The following CSMD1 variants were observed in gnomAD, a reference collection of about 807,000 sequenced individuals.
The protein encoded by CSMD1 is CUB and Sushi multiple domains 1.
CSMD1 carries 213 observed loss-of-function variants against 417.5 expected under a neutral mutation model. The observed-to-expected ratio is 0.51, with a 90% CI of 0.46 to 0.57. The LOEUF (loss-of-function observed/expected upper bound fraction) is 0.57. Among genes scored for constraint, CSMD1 ranks in the 20% least tolerant of loss-of-function variants. CSMD1 has a pLI of 0.00. For synonymous variants in CSMD1, 2,862 were observed against 1,736.8 expected (o/e 1.65, Z -16.11); for missense variants, 6,923 against 4,529.7 (o/e 1.53, Z -15.17).
chr8:3,852,790 T>C (rs74724112), intron 5 of CSMD1, among the ~76,000 whole-genome samples: 16,379 of 151,908 alleles, frequency 0.11, 1,303 homozygotes, highest in East Asian at 0.43. Flanking sequence ...GCCTCTTCTG[T>C]CTCCTCCAAG....
At chr8:3,590,767 G>A (rs1800811408) in intron 8 of CSMD1, among the ~76,000 whole-genome samples, 1 of 152,148 alleles carries the variant, frequency 6.6e-6, no homozygotes, top group Admixed American at 6.5e-5. Context: ...CCGAGGAGGA[G>A]ACTCCACGTG....
At chr8:4,900,305 A>G (rs1408659136) in intron 1 of CSMD1, among the ~76,000 whole-genome samples, 5 of 152,012 alleles carry the variant, frequency 3.3e-5, no homozygotes, top group South Asian at 2.1e-4. Flanking sequence ...TCCACCTCCT[A>G]TGTCCTTAGG....
chr8:4,226,067 GACACACACACACACAC>G (rs67767005), intron 3 of CSMD1, among the ~76,000 whole-genome samples: 6 of 143,508 alleles, frequency 4.2e-5, no homozygotes, highest in Non-Finnish European at 6.1e-5. Context: ...CTGACAGGCG[GACACACACACACACAC>G]ACACACACAC....
intron 1 of CSMD1, among the ~76,000 whole-genome samples, chr8:4,828,571 G>C (rs1287982769): frequency 6.6e-6 from 1 of 152,076 alleles, no homozygotes; most frequent in Non-Finnish European, 1.5e-5. Context: ...ACAAACTCCA[G>C]ACTGTTGTGC....
At chr8:3,095,654 AT>A (rs909428582) in intron 47 of CSMD1, among the ~76,000 whole-genome samples, 1 of 152,150 alleles carries the variant, frequency 6.6e-6, no homozygotes, top group African/African-American at 2.4e-5. Flanking sequence ...AGAATAATTT[AT>A]TTTTTTCACT....
At chr8:3,713,860 G>A (rs970321151) in intron 6 of CSMD1, among the ~76,000 whole-genome samples, 2 of 152,114 alleles carry the variant, frequency 1.3e-5, no homozygotes, top group African/African-American at 4.8e-5. Flanking sequence ...TATAAATCTT[G>A]TGTCTTCAAC....
chr8:4,236,962 G>A (rs887449737), intron 3 of CSMD1, among the ~76,000 whole-genome samples: 1 of 152,188 alleles, frequency 6.6e-6, no homozygotes, highest in African/African-American at 2.4e-5. Context: ...TCAGGAAGCA[G>A]TTACACTGAG....
intron 17 of CSMD1, 68 bp from the exon 18 acceptor site, chr8:3,387,750 G>C: frequency 8.0e-7 from 1 of 1,247,524 alleles, no homozygotes; most frequent in Non-Finnish European, 1.1e-6. Flanking sequence ...AGAGACCCAC[G>C]CCATCAACTA....
chr8:3,106,850 G>A (rs1053675973), intron 45 of CSMD1: 3 of 400,706 alleles, frequency 7.5e-6, no homozygotes, highest in African/African-American at 6.1e-5. Flanking sequence ...GCCGATATTA[G>A]TACTGAAATG....
intron 25 of CSMD1, among the ~76,000 whole-genome samples, chr8:3,300,842 C>T (rs761009123): frequency 6.6e-6 from 1 of 151,038 alleles, no homozygotes; most frequent in Non-Finnish European, 1.5e-5. Context: ...GCATGTAATC[C>T]CAGCTACTCA....
intron 3 of CSMD1, among the ~76,000 whole-genome samples, chr8:4,384,022 G>A (rs758389445): frequency 2.3e-4 from 34 of 149,692 alleles, no homozygotes; most frequent in Non-Finnish European, 3.4e-4. Context: ...ACCACCCCCC[G>A]CCTCATAACA....
chr8:4,064,599 G>T (rs1184793251), intron 3 of CSMD1, among the ~76,000 whole-genome samples: 1 of 152,150 alleles, frequency 6.6e-6, no homozygotes, highest in Non-Finnish European at 1.5e-5. Context: ...TGCCGTTTCC[G>T]AACGTGGCAA....
chr8:4,232,852 T>C (rs746536489), intron 3 of CSMD1, among the ~76,000 whole-genome samples: 5 of 152,160 alleles, frequency 3.3e-5, no homozygotes, highest in Non-Finnish European at 7.3e-5. Flanking sequence ...TATTTATATA[T>C]TTATTTTAGG....
chr8:4,380,734 T>G (rs922184098), intron 3 of CSMD1, among the ~76,000 whole-genome samples: 1 of 152,210 alleles, frequency 6.6e-6, no homozygotes, highest in Admixed American at 6.5e-5. Flanking sequence ...TGGGAGCACT[T>G]CATACTGTCC....
chr8:4,530,889 C>A (rs1324079271), intron 2 of CSMD1, among the ~76,000 whole-genome samples: 1 of 151,840 alleles, frequency 6.6e-6, no homozygotes, highest in Non-Finnish European at 1.5e-5. Flanking sequence ...CTCATTCATC[C>A]CATTATACCG....
At chr8:4,041,184 T>C (rs1427536961) in intron 3 of CSMD1, among the ~76,000 whole-genome samples, 1 of 151,654 alleles carries the variant, frequency 6.6e-6, no homozygotes, top group East Asian at 1.9e-4. Context: ...GCCCGGCTAA[T>C]TTTTTTGTAT....
intron 23 of CSMD1, among the ~76,000 whole-genome samples, chr8:3,332,988 G>C (rs1807005875): frequency 6.6e-6 from 1 of 152,218 alleles, no homozygotes; most frequent in African/African-American, 2.4e-5. Context: ...GCCCTTGAAA[G>C]AGGGTCTGGC....
chr8:3,357,801 C>T (rs1030837045), intron 21 of CSMD1, among the ~76,000 whole-genome samples: 1 of 152,112 alleles, frequency 6.6e-6, no homozygotes, highest in South Asian at 2.1e-4. Flanking sequence ...CAAAATTTGC[C>T]TTCCATTCTC....
chr8:3,800,344 T>A (rs1800388035), intron 5 of CSMD1, among the ~76,000 whole-genome samples: 1 of 152,124 alleles, frequency 6.6e-6, no homozygotes, highest in South Asian at 2.1e-4. Flanking sequence ...GTCAAAATAT[T>A]ATTGTTCCGG....
Sources: allele counts gnomAD v4.1 joint callset (sites outside exome capture counted in the v4.1 genomes callset), GRCh38; gene constraint gnomAD v4.1.1; transcripts MANE v1.5; gene names NCBI Gene and HGNC (gene_info 2026-07-23, HGNC 2026-07-21).